The following CNTN4 variants were observed in gnomAD, a reference collection of about 807,000 sequenced individuals.
CNTN4 encodes contactin-4.
Under a neutral mutation model 122.5 loss-of-function variants are expected in CNTN4, and 77 were observed. The observed-to-expected ratio is 0.63, with a 90% CI of 0.52 to 0.76. The LOEUF (loss-of-function observed/expected upper bound fraction) is 0.76, where lower values mean the gene tolerates loss of function less well. Among genes scored for constraint, CNTN4 ranks in the 30% least tolerant of loss-of-function variants. CNTN4 has a pLI of 0.00. For missense variants in CNTN4, 1,256 were observed against 1,259.1 expected (o/e 1.00, Z 0.04); for synonymous variants, 512 against 447.0 (o/e 1.15, Z -1.83).
chr3:2,855,560 A>G (rs1166347815), intron 7 of CNTN4, among the ~76,000 whole-genome samples: 2 of 152,238 alleles, frequency 1.3e-5, no homozygotes, highest in Non-Finnish European at 2.9e-5. Context: ...GAACAAAAGT[A>G]TCTGGCTCAC....
At chr3:2,974,084 G>T (rs1445448720) in intron 13 of CNTN4, among the ~76,000 whole-genome samples, 1 of 152,154 alleles carries the variant, frequency 6.6e-6, no homozygotes, top group Non-Finnish European at 1.5e-5. Context: ...TAGCATATCT[G>T]AACACTTTTG....
chr3:2,324,857 T>TC (rs1559453684), intron 2 of CNTN4, among the ~76,000 whole-genome samples: 1 of 151,754 alleles, frequency 6.6e-6, no homozygotes, highest in South Asian at 2.1e-4. Flanking sequence ...TAAGGAGTGC[T>TC]CCCCCCACCT....
chr3:2,559,435 C>A (rs1575990271), intron 3 of CNTN4, among the ~76,000 whole-genome samples: 1 of 152,090 alleles, frequency 6.6e-6, no homozygotes. Flanking sequence ...ATAAGGGACT[C>A]ACATAATCCT....
chr3:2,934,039 C>A (rs2094547495), intron 13 of CNTN4, among the ~76,000 whole-genome samples: 1 of 152,076 alleles, frequency 6.6e-6, no homozygotes, highest in Non-Finnish European at 1.5e-5. Flanking sequence ...AAGAAAGGTG[C>A]AACAAGGAGT....
intron 2 of CNTN4, among the ~76,000 whole-genome samples, chr3:2,258,109 A>G (rs191231678): frequency 4.6e-5 from 7 of 152,130 alleles, no homozygotes; most frequent in African/African-American, 1.7e-4. Context: ...GCTGGAGAGG[A>G]TGTGGAGAAA....
intron 17 of CNTN4, among the ~76,000 whole-genome samples, chr3:3,036,770 C>T (rs564599895): frequency 1.7e-4 from 24 of 143,034 alleles, no homozygotes; most frequent in African/African-American, 6.1e-4. Context: ...GAGAGAGACC[C>T]TGTCTCAAAA....
intron 2 of CNTN4, among the ~76,000 whole-genome samples, chr3:2,209,621 C>A (rs542134525): frequency 6.6e-5 from 10 of 152,208 alleles, no homozygotes; most frequent in African/African-American, 2.4e-4. Flanking sequence ...CAAATGGTAT[C>A]TTCCCATTGA....
chr3:2,308,690 A>T (rs1049368155), intron 2 of CNTN4, among the ~76,000 whole-genome samples: 1 of 152,050 alleles, frequency 6.6e-6, no homozygotes, highest in African/African-American at 2.4e-5. Flanking sequence ...CATATTTACA[A>T]ATTTCCCAAA....
rs534307167 is a variant in CNTN4, at chr3:2,162,711, A to G, written c.-145+62072A>G. On this transcript the variant is annotated intron_variant, in intron 2 of 24. Transcript: ENST00000418658. ...CCCATAACCACGAATGTTTGGAGAA[A>G]ATTTAAAGTTGAATATAGGAGAGAA... 6.6e-5 allele frequency among the ~76,000 whole-genome samples: 10 copies of G among 152,292 alleles called. No individual in the cohort carries two copies. The South Asian group carries it at 2.1e-3, about 32-fold the overall frequency.
chr3:2,229,733 A>G (rs1281039517), intron 2 of CNTN4, among the ~76,000 whole-genome samples: 1 of 152,200 alleles, frequency 6.6e-6, no homozygotes, highest in Non-Finnish European at 1.5e-5. Flanking sequence ...TAATTTTTGT[A>G]ATCAATGCCT....
At chr3:2,896,477 A>T (rs1046040666) in intron 10 of CNTN4, among the ~76,000 whole-genome samples, 1 of 152,140 alleles carries the variant, frequency 6.6e-6, no homozygotes, top group African/African-American at 2.4e-5. Flanking sequence ...AACACCAAAG[A>T]TGGACCTTGC....
intron 12 of CNTN4, among the ~76,000 whole-genome samples, chr3:2,910,191 G>A (rs1261985686): frequency 6.6e-6 from 1 of 152,108 alleles, no homozygotes; most frequent in African/African-American, 2.4e-5. Context: ...CCAACTGAGG[G>A]GAGACATTGA....
chr3:2,363,254 A>G (rs2150564306), intron 3 of CNTN4, among the ~76,000 whole-genome samples: 1 of 152,344 alleles, frequency 6.6e-6, no homozygotes, highest in Admixed American at 6.5e-5. Context: ...ATGTAATGGG[A>G]GGGAAGTAAC....
intron 2 of CNTN4, among the ~76,000 whole-genome samples, chr3:2,257,871 G>C (rs1309873267): frequency 6.6e-6 from 1 of 152,014 alleles, no homozygotes; most frequent in Non-Finnish European, 1.5e-5. Context: ...ATATCACCTG[G>C]GGCCTACATG....
At chr3:2,903,735 A>G (rs1348179424) in intron 12 of CNTN4, among the ~76,000 whole-genome samples, 2 of 152,198 alleles carry the variant, frequency 1.3e-5, no homozygotes, top group African/African-American at 2.4e-5. Flanking sequence ...TGCCACAGTT[A>G]CAGTTTACAC....
chr3:2,629,690 T>G (rs543243041), intron 4 of CNTN4: 2 of 330,800 alleles, frequency 6.0e-6, no homozygotes, highest in South Asian at 5.0e-5. Context: ...GATACATCTC[T>G]CTAGCTTTTG....
chr3:2,494,333 G>A (rs914853822), intron 3 of CNTN4, among the ~76,000 whole-genome samples: 2 of 152,166 alleles, frequency 1.3e-5, no homozygotes, highest in African/African-American at 4.8e-5. Context: ...CCAGAAAGGT[G>A]GTAGAACCTG....
At chr3:2,658,206 C>G (rs59983261) in intron 4 of CNTN4, among the ~76,000 whole-genome samples, 2,084 of 151,666 alleles carry the variant, frequency 0.014, 62 homozygotes, top group African/African-American at 0.049. Flanking sequence ...CCTGGCTGCT[C>G]CTCTTCCTGT....
At chr3:2,412,632 G>C (rs1429731317) in intron 3 of CNTN4, among the ~76,000 whole-genome samples, 1 of 152,102 alleles carries the variant, frequency 6.6e-6, no homozygotes, top group Non-Finnish European at 1.5e-5. Context: ...CAATAGTAAT[G>C]AGTCTTTAAA....
Sources: gnomAD v4.1 joint callset for allele counts (sites outside exome capture counted in the v4.1 genomes callset) on GRCh38, gnomAD v4.1.1 for gene constraint, MANE v1.5 for transcripts, NCBI Gene and HGNC (gene_info 2026-07-23, HGNC 2026-07-21) for gene names.